The following GALC variants were observed in gnomAD, a reference collection of about 807,000 sequenced individuals.
GALC encodes the protein galactocerebrosidase.
GALC carries 77 observed loss-of-function variants against 91.8 expected under a neutral mutation model. That is an observed-to-expected ratio of 0.84 (90% CI 0.70 to 1.01). GALC has a LOEUF of 1.01. Among genes scored for constraint, GALC ranks in the 50% least tolerant of loss-of-function variants. GALC has a pLI of 0.00. For synonymous variants in GALC, 357 were observed against 306.7 expected (o/e 1.16, Z -1.71); for missense variants, 882 against 855.9 (o/e 1.03, Z -0.38).
At chr14:87,979,419 G>C (rs1375730659) in intron 6 of GALC, among the ~76,000 whole-genome samples, 1 of 152,128 alleles carries the variant, frequency 6.6e-6, no homozygotes, top group South Asian at 2.1e-4. Context: ...TTTGTATCCT[G>C]AGAGATTTTA....
intron 3 of GALC, chr14:87,987,174 T>C (rs550231251): frequency 4.8e-4 from 181 of 373,454 alleles, no homozygotes; most frequent in Middle Eastern, 2.4e-3. Flanking sequence ...GTCTTAGCAC[T>C]GAGGTAGGTA....
At chr14:87,958,029 C>CA (rs1264974321) in intron 10 of GALC, among the ~76,000 whole-genome samples, 3 of 151,838 alleles carry the variant, frequency 2.0e-5, no homozygotes, top group Admixed American at 6.6e-5. Flanking sequence ...CATATGGAAC[C>CA]AAAAAAGAGT....
chr14:87,993,027 G>C lies in GALC; in HGVS notation c.138C>G (p.Asp46Glu). The C allele has an allele frequency of 6.4e-7, 1 of 1,553,218 alleles. No homozygotes were observed. The highest frequency in any genetic ancestry group is 2.4e-5 in the East Asian group (1 of 40,884). ...LLAPGGAYVL[D>E]DSDGLGREFD... ...ACTCCCGGCCCAGCCCGTCGGAGTCGTCGAGCACGTACGCGCCGCCGGGCG... is the reference window on the plus strand; with the variant it reads ...ACTCCCGGCCCAGCCCGTCGGAGTCCTCGAGCACGTACGCGCCGCCGGGCG... The change falls in exon 1 of 17, where the codon GAC becomes GAG. Residue 46 changes from aspartate (D) to glutamate (E), a missense_variant. Coordinates refer to ENST00000261304, the MANE Select transcript of GALC (RefSeq NM_000153.4).
At chr14:87,964,153 C>G (rs1002048947) in intron 9 of GALC, among the ~76,000 whole-genome samples, 1 of 152,056 alleles carries the variant, frequency 6.6e-6, no homozygotes, top group Non-Finnish European at 1.5e-5. Flanking sequence ...CCTTAGTTTT[C>G]TCATATAATT....
intron 16 of GALC, among the ~76,000 whole-genome samples, chr14:87,936,918 T>A (rs1745638): frequency 0.95 from 117,773 of 123,778 alleles, 56,507 homozygotes; most frequent in Non-Finnish European, 1. Flanking sequence ...ATATATTTAT[T>A]TATTTTCTCA....
At chr14:87,990,151 T>C (rs1887138569) in intron 1 of GALC, among the ~76,000 whole-genome samples, 1 of 152,200 alleles carries the variant, frequency 6.6e-6, no homozygotes, top group Admixed American at 6.5e-5. Flanking sequence ...CGGCACTCCT[T>C]TATTTTTCTG....
Position 87,941,457 on chromosome 14 carries a change from C to T in GALC, c.1772G>A (p.Ser591Asn), listed in dbSNP as rs894465095. 8 of 1,609,268 alleles carry T rather than the reference C, an allele frequency of 5.0e-6. No individual in the cohort carries two copies. The African/African-American group carries it at 9.4e-5, about 19-fold the overall frequency. ...AATCCAGAAGAAAATTCCTCTGGCA[C>T]TTCTAATCAAAATACCACCTTTATT... is the stretch of plus-strand genomic sequence containing the variant. ...RVNKGGILIR[S>N]ARGIFFWIFA... Residue 591 changes from serine to asparagine, a missense_variant, in exon 15 of 17, where the codon AGT (serine) becomes AAT (asparagine). By Grantham distance (46) the Ser-to-Asn change is conservative. Transcript: ENST00000261304.
chr14:87,950,681 GT>G lies in GALC; in HGVS notation c.1228del (p.Thr410ProfsTer47). On this transcript the variant is annotated frameshift_variant, in exon 11 of 17. Coordinates refer to ENST00000261304, the MANE Select transcript of GALC (RefSeq NM_000153.4). LOFTEE classifies it high-confidence loss of function. ...PYFNVSQQFA[T>X]FVLKGSFSEI... Reference sequence around the variant, plus strand: ...TACAAAAGATCCCTTAAGAACAAAGGTGGCAAATTGTTGTGACACATTGAAA... The same window carrying G: ...TACAAAAGATCCCTTAAGAACAAAGGGGCAAATTGTTGTGACACATTGAAA... 1.9e-6 allele frequency: 3 copies of G among 1,602,190 alleles called. No individual in the cohort carries two copies. The South Asian group carries it at 3.3e-5, about 18-fold the overall frequency.
At chr14:87,993,192 A>C, upstream of GALC, 1 of 1,566,420 alleles carries the variant, frequency 6.4e-7, no homozygotes, top group Non-Finnish European at 8.7e-7. Context: ...TCCGGCGCCC[A>C]GGGAGGCGGG....
rs547675161 is a variant in GALC, at chr14:87,943,132, G to A, written c.1671-1574C>T. On this transcript the variant is annotated intron_variant, in intron 14 of 16. Transcript: ENST00000261304. ...CAATTTCACAGATAATGAATGAAAT[G>A]GAATAAAAGTGTGGTTTATTCTTCC... is the stretch of plus-strand genomic sequence containing the variant. Among the ~76,000 whole-genome samples the A allele has an allele frequency of 9.3e-4, 141 of 152,100 alleles. No individual in the cohort carries two copies. In the South Asian group the frequency reaches 0.013, roughly 14 times the overall value.
At chr14:87,976,138 C>T (rs1459700351) in intron 7 of GALC, among the ~76,000 whole-genome samples, 1 of 152,232 alleles carries the variant, frequency 6.6e-6, no homozygotes, top group South Asian at 2.1e-4. Flanking sequence ...CATCAACATG[C>T]TTTTTAAAAG....
At chr14:87,981,330 T>C (rs939243238) in intron 6 of GALC, 2 of 152,474 alleles carry the variant, frequency 1.3e-5, no homozygotes, top group African/African-American at 4.8e-5. Flanking sequence ...AGGTGAGGGA[T>C]AAAAGACTAC....
chr14:87,942,653 G>A (rs1334126628), intron 14 of GALC, among the ~76,000 whole-genome samples: 1 of 152,002 alleles, frequency 6.6e-6, no homozygotes, highest in Non-Finnish European at 1.5e-5. Context: ...TGGGCTGGGG[G>A]GAATGAGATC....
rs368284541 is a variant in GALC, at chr14:87,950,745, G to C, written c.1165C>G (p.His389Asp). 4.1e-6 allele frequency: 6 copies of C among 1,467,724 alleles called. No individual in the cohort carries two copies. The highest frequency in any genetic ancestry group is 5.4e-6 in the Non-Finnish European group (6 of 1,104,468). 90.9% of individuals were successfully genotyped at this position (1,467,724 alleles called of 1,614,324 possible). The change falls in exon 11 of 17, where the codon CAT becomes GAT. Residue 389 changes from histidine to aspartate, a missense_variant. By Grantham distance (81) the His-to-Asp change is moderately conservative (BLOSUM62 -1). Coordinates refer to ENST00000261304, the MANE Select transcript of GALC (RefSeq NM_000153.4). Reference protein sequence around the residue: ...NLTIIIETMSHKHSKCIRPFL... With the variant: ...NLTIIIETMSDKHSKCIRPFL... ...GGCCGTATGCACTTAGAATGTTTAT[G>C]ACTCTGAAAAAAAAAAATCACATAC...
chr14:87,938,196 T>C (rs1884671418), intron 16 of GALC, among the ~76,000 whole-genome samples: 1 of 151,906 alleles, frequency 6.6e-6, no homozygotes, highest in African/African-American at 2.4e-5. Flanking sequence ...GTGAGGAATA[T>C]GGAGAAAAGC....
At chr14:87,969,229 T>C (rs1157575675) in intron 7 of GALC, among the ~76,000 whole-genome samples, 1 of 152,148 alleles carries the variant, frequency 6.6e-6, no homozygotes, top group African/African-American at 2.4e-5. Context: ...TATTTGCTAC[T>C]AGCATCTAGA....
chr14:87,953,922 G>C, intron 10 of GALC: 1 of 1,610,110 alleles, frequency 6.2e-7, no homozygotes, highest in South Asian at 1.1e-5. Context: ...TACAGTAATT[G>C]ATCAATCAGA....
At chr14:87,974,532 G>A (rs1886417070) in intron 7 of GALC, among the ~76,000 whole-genome samples, 1 of 151,942 alleles carries the variant, frequency 6.6e-6, no homozygotes, top group African/African-American at 2.4e-5. Flanking sequence ...CTAACATAAG[G>A]AAACAAACAC....
intron 11 of GALC, 54 bp downstream of exon 11, chr14:87,950,605 G>C: frequency 8.9e-7 from 1 of 1,127,702 alleles, no homozygotes; most frequent in Non-Finnish European, 1.3e-6. Flanking sequence ...GCCTGTGACA[G>C]AATATATAAA....
Sources: gnomAD v4.1 joint callset for allele counts (sites outside exome capture counted in the v4.1 genomes callset) on GRCh38, gnomAD v4.1.1 for gene constraint, MANE v1.5 for transcripts, NCBI Gene and HGNC (gene_info 2026-07-23, HGNC 2026-07-21) for gene names.